The following TTC16 variants were observed in gnomAD, a reference collection of about 807,000 sequenced individuals.
The protein encoded by TTC16 is tetratricopeptide repeat protein 16.
In TTC16, 66 loss-of-function variants were observed where a neutral mutation model predicts 80.4. The ratio of observed to expected loss-of-function variants is 0.82; its 90% CI spans 0.67 to 1.01. The LOEUF is 1.01. Among genes scored for constraint, TTC16 ranks in the 50% least tolerant of loss-of-function variants. TTC16 has a pLI of 0.00. For missense variants in TTC16, 1,070 were observed against 1,103.2 expected (o/e 0.97, Z 0.43); for synonymous variants, 438 against 451.3 (o/e 0.97, Z 0.37).
In TTC16 at chr9:127,723,236, G is replaced by A; in HGVS notation, c.775G>A (p.Gly259Arg). ...AQAQQARQDA[G>R]ILAVQGKLQH... ...GGCCCAGCAGGCGCGCCAAGATGCG[G>A]GGATCCTGGCTGTGCAGGGCAAGCT... Residue 259 changes from glycine (G) to arginine (R), a missense_variant, in exon 7 of 14, where the codon GGG becomes AGG. By Grantham distance (125) the Gly-to-Arg change is moderately radical. Coordinates refer to ENST00000373289, the MANE Select transcript of TTC16 (RefSeq NM_144965.3). 6.2e-7 allele frequency: 1 copy of A among 1,612,938 alleles called. No homozygotes were observed. The highest frequency in any genetic ancestry group is 8.5e-7 in the Non-Finnish European group (1 of 1,180,044).
At chr9:127,717,576 T>G (rs777720173) in intron 3 of TTC16, 53 bp from the exon 4 acceptor site, 98 of 1,601,870 alleles carry the variant, frequency 6.1e-5, no homozygotes, top group Non-Finnish European at 8.1e-5. Context: ...TCCCCTACCC[T>G]CCAGGGGCAG....
At chr9:127,727,912 A>G (rs1004714703) in intron 12 of TTC16, 1 of 154,150 alleles carries the variant, frequency 6.5e-6, no homozygotes, top group Non-Finnish European at 1.4e-5. Flanking sequence ...GGTGTGTGCC[A>G]CCACATCCGG....
intron 13 of TTC16, chr9:127,730,285 C>T (rs1055260606): frequency 1.3e-4 from 46 of 345,128 alleles, no homozygotes; most frequent in African/African-American, 8.9e-4. Context: ...GTGCATTTAG[C>T]GCCTTTTAGT....
chr9:127,717,595 G>C, intron 3 of TTC16, 34 bp from the exon 4 acceptor site: 1 of 1,608,648 alleles, frequency 6.2e-7, no homozygotes, highest in Non-Finnish European at 8.5e-7. Context: ...AGATGGTGGG[G>C]AGGATCTAGC....
At position 127,727,114 on chromosome 9, in the gene TTC16, T is replaced by A. The variant is rs548795764; in HGVS notation, c.1568+2T>A. 12 of 1,594,254 alleles carry A rather than the reference T, an allele frequency of 7.5e-6. No individual in the cohort carries two copies. The African/African-American group carries it at 1.6e-4, about 21-fold the overall frequency. On this transcript the variant is annotated splice_donor_variant, in intron 11 of 13. Coordinates refer to ENST00000373289, the MANE Select transcript of TTC16 (RefSeq NM_144965.3). LOFTEE classifies it high-confidence loss of function. ...CGGCAGCCCACAAGGCATTGTGGGG[T>A]AAGCCCTGGAGCAAGGGGCACAGGC...
chr9:127,730,642 C>A lies in TTC16; in HGVS notation c.1859C>A (p.Thr620Asn). 1 of 1,612,224 alleles carries A rather than the reference C, an allele frequency of 6.2e-7. No homozygotes were observed. Among genetic ancestry groups the A allele is most frequent in the Non-Finnish European group, 8.5e-7 (1 of 1,179,838 alleles). The stretch of plus-strand genomic sequence containing the variant: ...TTTGGCACCCCCTTCCTAGTCAGGA[C>A]CACAGGCACCTCAGAGACTGAGATG... ...TSSASSMSFR[T>N]TGTSETEMSA... The change falls in exon 14 of 14, where the codon ACC (threonine) becomes AAC (asparagine). Residue 620 changes from threonine to asparagine, a missense_variant. By Grantham distance (65) the Thr-to-Asn change is moderately conservative (BLOSUM62 0). Coordinates refer to ENST00000373289, the MANE Select transcript of TTC16 (RefSeq NM_144965.3).
chr9:127,724,641 C>CG, intron 8 of TTC16, 115 bp from the exon 9 acceptor site: 16 of 1,386,062 alleles, frequency 1.2e-5, no homozygotes, highest in East Asian at 2.5e-5. Flanking sequence ...GAGACTGCGG[C>CG]GGGGGGTTAT....
Position 127,722,996 on chromosome 9 carries a change from A to C in TTC16, c.658-123A>C. The C allele has an allele frequency of 1.1e-6, 1 of 894,282 alleles. No homozygotes were observed. Among genetic ancestry groups the C allele is most frequent in the Admixed American group, 2.5e-5 (1 of 39,718 alleles). 55.4% of individuals were successfully genotyped at this position (894,282 alleles called of 1,614,324 possible). A position where few individuals can be genotyped will look rare whatever the true frequency, so the allele number is the denominator to read the frequency against. On this transcript the variant is annotated intron_variant, in intron 6 of 13. Transcript: ENST00000373289. This position sits in a 1 kb window ranked among gnomAD's most constrained non-coding sequence, Gnocchi z 4.2. ...AAAAAAAAAAAAGCAGAAAGGGTGG[A>C]ACATGGAGGGATGTGAGGGGCACGG... is the stretch of plus-strand genomic sequence containing the variant.
intron 13 of TTC16, 129 bp from the exon 14 acceptor site, chr9:127,730,507 G>T: frequency 3.6e-6 from 5 of 1,396,280 alleles, no homozygotes; most frequent in Non-Finnish European, 4.8e-6. Context: ...GTGATCTGCA[G>T]GTCTTTCCCT....
At chr9:127,727,675 G>C in intron 12 of TTC16, 3 of 1,066,004 alleles carry the variant, frequency 2.8e-6, no homozygotes, top group Non-Finnish European at 3.8e-6. Context: ...GTGGGGATGT[G>C]GGCCCTCAGA....
intron 1 of TTC16, chr9:127,716,591 G>A: frequency 1.8e-6 from 1 of 569,272 alleles, no homozygotes; most frequent in Non-Finnish European, 3.1e-6. Flanking sequence ...GAGAACAGAC[G>A]GTGTTGTAAG....
At position 127,722,898 on chromosome 9, in the gene TTC16, G is replaced by A. The variant is rs1401717508; in HGVS notation, c.658-221G>A. 6.6e-6 allele frequency among the ~76,000 whole-genome samples: 1 copy of A among 151,818 alleles called. No homozygotes were observed. Among genetic ancestry groups the A allele is most frequent in the African/African-American group, 2.4e-5 (1 of 41,304 alleles). On this transcript the variant is annotated intron_variant, in intron 6 of 13. Transcript: ENST00000373289. This position sits in a 1 kb window ranked among gnomAD's most constrained non-coding sequence, Gnocchi z 4.2. ...TGGAAGAATCGCTTGAACCCGGGAGGCAGAGGTTGCAGTGAGCCAAGACCA... is the reference window on the plus strand; with the variant it reads ...TGGAAGAATCGCTTGAACCCGGGAGACAGAGGTTGCAGTGAGCCAAGACCA...
In TTC16 at chr9:127,731,326, C is replaced by T; in HGVS notation, c.2543C>T (p.Ala848Val). Residue 848 changes from alanine (A) to valine (V), a missense_variant, in exon 14 of 14, where the codon GCC (alanine) becomes GTC (valine). Transcript: ENST00000373289. ...SQGMSSTSSK[A>V]ESTWGPSPSL... is the part of the protein sequence containing the mutation. ...GGCATGAGCTCAACTTCCAGCAAGG[C>T]CGAGTCCACCTGGGGACCCAGCCCA... The T allele has an allele frequency of 6.2e-7, 1 of 1,613,074 alleles. No homozygotes were observed. Among genetic ancestry groups the T allele is most frequent in the Non-Finnish European group, 8.5e-7 (1 of 1,180,042 alleles).
chr9:127,726,317 G>A lies in TTC16; in HGVS notation c.1338G>A (p.Arg446=), dbSNP rs1341089852. Residue 446 remains arginine (R), a synonymous_variant, in exon 10 of 14, where the codon CGG becomes CGA. Transcript: ENST00000373289. ...AGAAGGCCCAGTACTACCTGTACCGGGCCAAGAGCCGGCAGCTGCTGCAGA... is the reference window on the plus strand; with the variant it reads ...AGAAGGCCCAGTACTACCTGTACCGAGCCAAGAGCCGGCAGCTGCTGCAGA... The part of the protein sequence containing the change: ...NPQKAQYYLY[R]AKSRQLLQNI... The A allele has an allele frequency of 1.6e-5, 26 of 1,612,158 alleles. No individual in the cohort carries two copies. The highest frequency in any genetic ancestry group is 3.3e-5 in the Admixed American group (2 of 59,914).
rs555050096 is a variant in TTC16, at chr9:127,726,258, A to C, written c.1279A>C (p.Asn427His). Reference sequence around the variant, plus strand: ...GTGCAGGCAGTTCCAGAAGGCAGAGAACCACTTCTCCACGGCCATCCGGCA... The same window carrying C: ...GTGCAGGCAGTTCCAGAAGGCAGAGCACCACTTCTCCACGGCCATCCGGCA... ...QRRKQFQKAENHFSTAIRHNP... is the reference protein window; with the variant it reads ...QRRKQFQKAEHHFSTAIRHNP... The change falls in exon 10 of 14, where the codon AAC (asparagine) becomes CAC (histidine). Residue 427 changes from asparagine to histidine, a missense_variant. Asn to His is a moderately conservative substitution (Grantham distance 68). Coordinates refer to ENST00000373289, the MANE Select transcript of TTC16 (RefSeq NM_144965.3). 1.9e-6 allele frequency: 3 copies of C among 1,597,242 alleles called. No individual in the cohort carries two copies. Among genetic ancestry groups the C allele is most frequent in the Admixed American group, 1.7e-5 (1 of 58,888 alleles).
chr9:127,726,441 G>A, intron 10 of TTC16, 37 bp downstream of exon 10: 1 of 1,523,296 alleles, frequency 6.6e-7, no homozygotes, highest in Non-Finnish European at 8.8e-7. Context: ...AGGCTCCGGA[G>A]TCATGCCCGG....
At chr9:127,716,645 AG>A in intron 1 of TTC16, 198 bp from the exon 2 acceptor site, 1 of 637,472 alleles carries the variant, frequency 1.6e-6, no homozygotes, top group Non-Finnish European at 2.7e-6. Flanking sequence ...GAGAGGGAGA[AG>A]GGCAGGACTG....
Position 127,718,380 on chromosome 9 carries a change from G to A in TTC16, c.426+608G>A, listed in dbSNP as rs1460564233. Reference sequence around the variant, plus strand: ...TAGGATTACAGATGTGAGCCACTGCGCCCGGCCTCTTATTTTTATTTTAAT... The same window carrying A: ...TAGGATTACAGATGTGAGCCACTGCACCCGGCCTCTTATTTTTATTTTAAT... On this transcript the variant is annotated intron_variant, in intron 4 of 13. Coordinates refer to ENST00000373289, the MANE Select transcript of TTC16 (RefSeq NM_144965.3). This position sits in a 1 kb window ranked among gnomAD's most constrained non-coding sequence, Gnocchi z 4.6. 3.3e-5 allele frequency among the ~76,000 whole-genome samples: 5 copies of A among 152,102 alleles called. No homozygotes were observed. The highest frequency in any genetic ancestry group is 1.2e-4 in the African/African-American group (5 of 41,406).
intron 4 of TTC16, among the ~76,000 whole-genome samples, chr9:127,719,750 C>T (rs975736403): frequency 5.3e-5 from 8 of 152,220 alleles, no homozygotes; most frequent in Non-Finnish European, 8.8e-5. Context: ...GCCTGGGCCT[C>T]CCAAAGTGCT....
Sources: gnomAD v4.1 joint callset for allele counts (sites outside exome capture counted in the v4.1 genomes callset) on GRCh38, gnomAD v4.1.1 for gene constraint, Gnocchi (gnomAD v3.1) non-coding constraint, MANE v1.5 for transcripts, NCBI Gene and HGNC (gene_info 2026-07-23, HGNC 2026-07-21) for gene names.